Variants in CDH4 observed in about 807,000 individuals in gnomAD.
CDH4 encodes the protein cadherin-4.
CDH4 carries 33 observed loss-of-function variants against 86.0 expected under a neutral mutation model. The observed-to-expected ratio is 0.38, with a 90% confidence interval of 0.29 to 0.51. The LOEUF is 0.51. Among genes scored for constraint, CDH4 ranks in the 20% least tolerant of loss-of-function variants. The pLI is 0.86. For synonymous variants in CDH4, 555 were observed against 549.4 expected, an observed-to-expected ratio of 1.01 and a Z score of -0.14; for missense variants, 1,114 against 1,307.4, an observed-to-expected ratio of 0.85 and a Z score of 2.28.
intron 2 of CDH4, among the ~76,000 whole-genome samples, chr20:61,266,525 G>T (rs2084159109): frequency 6.6e-6 from 1 of 151,900 alleles, no homozygotes; most frequent in South Asian, 2.1e-4. Flanking sequence ...AAGGAAGGTT[G>T]GTGCATGAGT....
intron 2 of CDH4, among the ~76,000 whole-genome samples, chr20:61,399,575 T>G (rs1440029657): frequency 6.6e-6 from 1 of 152,202 alleles, no homozygotes; most frequent in Admixed American, 6.5e-5. Flanking sequence ...GCACCCCCTC[T>G]GCCCTCCCCA....
intron 4 of CDH4, among the ~76,000 whole-genome samples, chr20:61,790,774 A>G (rs1249967115): frequency 7.0e-6 from 1 of 143,502 alleles, no homozygotes; most frequent in East Asian, 2.1e-4. Context: ...CTATCCATTC[A>G]TCTCTCTCTC....
intron 6 of CDH4, among the ~76,000 whole-genome samples, chr20:61,853,762 TAACA>T (rs1383819275): frequency 6.6e-6 from 1 of 152,088 alleles, no homozygotes; most frequent in Non-Finnish European, 1.5e-5. Context: ...GGCTGTGGGT[TAACA>T]AACCCCAGGG....
intron 8 of CDH4, among the ~76,000 whole-genome samples, chr20:61,904,975 C>T (rs946585838): frequency 6.6e-6 from 1 of 152,234 alleles, no homozygotes; most frequent in Non-Finnish European, 1.5e-5. Context: ...TGGTGACCTT[C>T]CCCTGAGAAG....
rs528712345 is a variant in CDH4, at chr20:61,930,027, C to T, written c.2239+185C>T. Among the ~76,000 whole-genome samples, 16 of 152,324 alleles carry T rather than the reference C, an allele frequency of 1.1e-4. 1 individual carries two copies. Among genetic ancestry groups the T allele is most frequent in the South Asian group, 8.3e-4 (4 of 4,826 alleles). ...ATGACAATGGGAAATTGGAGCCTCC[C>T]GTTACTCTCAAGTCTGGAGGTGCAG... On this transcript the variant is annotated intron_variant, in intron 13 of 15. Transcript: ENST00000614565.
chr20:61,497,239 G>A (rs749269738), intron 2 of CDH4, among the ~76,000 whole-genome samples: 32 of 152,096 alleles, frequency 2.1e-4, no homozygotes, highest in Non-Finnish European at 3.7e-4. Flanking sequence ...GGGTGGAGTC[G>A]GGTCTAACAC....
chr20:61,921,198 C>T (rs74983211), intron 9 of CDH4, among the ~76,000 whole-genome samples: 11 of 143,274 alleles, frequency 7.7e-5, no homozygotes, highest in African/African-American at 2.6e-4. Context: ...AGCGTGGTGT[C>T]GTGATTGCAT....
chr20:61,503,644 G>A (rs2085720256), intron 2 of CDH4, among the ~76,000 whole-genome samples: 2 of 152,026 alleles, frequency 1.3e-5, no homozygotes, highest in Admixed American at 6.6e-5. Flanking sequence ...TTGAATTCAG[G>A]GAATAACATT....
At chr20:61,798,495 G>A (rs1322559504) in intron 4 of CDH4, among the ~76,000 whole-genome samples, 1 of 152,210 alleles carries the variant, frequency 6.6e-6, no homozygotes, top group African/African-American at 2.4e-5. Flanking sequence ...TGATTCCACT[G>A]CAGGCGGGTG....
At chr20:61,435,680 CA>C (rs986133023) in intron 2 of CDH4, 6 of 152,392 alleles carry the variant, frequency 3.9e-5, no homozygotes, top group African/African-American at 1.4e-4. Context: ...CTTGCACCTG[CA>C]GGAGGCCAGA....
intron 7 of CDH4, among the ~76,000 whole-genome samples, chr20:61,877,185 T>C (rs745476366): frequency 2.2e-4 from 33 of 152,210 alleles, no homozygotes; most frequent in Non-Finnish European, 3.7e-4. Context: ...CTACAGATCA[T>C]GGCAGCTCGG....
intron 2 of CDH4, among the ~76,000 whole-genome samples, chr20:61,477,973 C>A (rs548473717): frequency 2.6e-5 from 4 of 152,188 alleles, no homozygotes; most frequent in Non-Finnish European, 5.9e-5. Flanking sequence ...GAAAGTAAGA[C>A]ACCAACATAG....
At chr20:61,469,533 T>C (rs2085490815) in intron 2 of CDH4, among the ~76,000 whole-genome samples, 1 of 152,198 alleles carries the variant, frequency 6.6e-6, no homozygotes, top group African/African-American at 2.4e-5. Flanking sequence ...TGTTGATTGT[T>C]TCCTTTGCTG....
In CDH4 at chr20:61,512,202, C is replaced by T. The variant is rs536349956; in HGVS notation, c.170-231361C>T. On this transcript the variant is annotated intron_variant, in intron 2 of 15. Transcript: ENST00000614565. ...GGTGGTTTGGTCCATGGATCCTGAA[C>T]GCTCTCTAATCAAGGCTGTGTGGGC... 1.1e-3 allele frequency among the ~76,000 whole-genome samples: 175 copies of T among 152,190 alleles called. No homozygotes were observed. The South Asian group carries it at 0.015, about 13-fold the overall frequency.
intron 2 of CDH4, among the ~76,000 whole-genome samples, chr20:61,383,318 T>C (rs538470168): frequency 2.3e-4 from 1 of 4,318 alleles, no homozygotes; most frequent in South Asian, 3.8e-3. Flanking sequence ...TGAATATATG[T>C]GATATATATG....
At chr20:61,621,656 A>C (rs1420344719) in intron 2 of CDH4, among the ~76,000 whole-genome samples, 1 of 152,248 alleles carries the variant, frequency 6.6e-6, no homozygotes, top group Non-Finnish European at 1.5e-5. Flanking sequence ...ATTCCAGAGC[A>C]AAGCACCCAA....
chr20:61,538,665 C>T (rs1052183899), intron 2 of CDH4, among the ~76,000 whole-genome samples: 2 of 152,234 alleles, frequency 1.3e-5, no homozygotes, highest in Non-Finnish European at 2.9e-5. Flanking sequence ...GGCACAGCTC[C>T]CAGTCCTCCC....
intron 9 of CDH4, among the ~76,000 whole-genome samples, chr20:61,920,719 A>G (rs2054969773): frequency 7.0e-6 from 1 of 143,424 alleles, no homozygotes; most frequent in Non-Finnish European, 1.5e-5. Flanking sequence ...TGTCACGGTG[A>G]TTGCATGGAA....
chr20:61,607,345 CTT>C (rs2086653441), intron 2 of CDH4, among the ~76,000 whole-genome samples: 1 of 152,126 alleles, frequency 6.6e-6, no homozygotes, highest in Non-Finnish European at 1.5e-5. Flanking sequence ...AATAGATTTT[CTT>C]TTTAATTCAG....
Sources: allele counts gnomAD v4.1 joint callset (sites outside exome capture counted in the v4.1 genomes callset), GRCh38; gene constraint gnomAD v4.1.1; transcripts MANE v1.5; gene names NCBI Gene and HGNC (gene_info 2026-07-23, HGNC 2026-07-21).